The following FAT3 variants were observed in gnomAD, a reference collection of about 807,000 sequenced individuals.
FAT3 encodes FAT atypical cadherin 3, also known as protocadherin Fat 3.
In FAT3, 95 loss-of-function variants were observed where a neutral mutation model predicts 310.2. The ratio of observed to expected loss-of-function variants is 0.31; its 90% CI spans 0.26 to 0.36. The LOEUF is 0.36. FAT3 is among the 10% of genes least tolerant of loss of function. The pLI is 1.00. For missense variants in FAT3, 5,408 were observed against 5,715.6 expected, an observed-to-expected ratio of 0.95 and a Z score of 1.74; for synonymous variants, 2,314 against 2,192.9, an observed-to-expected ratio of 1.06 and a Z score of -1.54.
chr11:92,468,111 G>A (rs1217282735), intron 2 of FAT3, among the ~76,000 whole-genome samples: 1 of 152,116 alleles, frequency 6.6e-6, no homozygotes, highest in Non-Finnish European at 1.5e-5. Flanking sequence ...CCTCACTTTG[G>A]GCCAGGTCGG....
chr11:92,703,092 A>G (rs1944151432), intron 4 of FAT3, among the ~76,000 whole-genome samples: 1 of 152,232 alleles, frequency 6.6e-6, no homozygotes, highest in Admixed American at 6.5e-5. Context: ...TGTCCTCTGT[A>G]ACATACAACT....
At chr11:92,526,103 G>C (rs1354338981) in intron 3 of FAT3, among the ~76,000 whole-genome samples, 1 of 152,084 alleles carries the variant, frequency 6.6e-6, no homozygotes, top group African/African-American at 2.4e-5. Flanking sequence ...TATCTGTTGA[G>C]GCCTGCTTGT....
chr11:92,646,201 C>T (rs1355593025), intron 3 of FAT3, among the ~76,000 whole-genome samples: 1 of 152,100 alleles, frequency 6.6e-6, no homozygotes, highest in Non-Finnish European at 1.5e-5. Flanking sequence ...CTAGAGAGCC[C>T]AGGACAGCTT....
At chr11:92,399,146 C>T (rs1011973220) in intron 2 of FAT3, among the ~76,000 whole-genome samples, 2 of 152,170 alleles carry the variant, frequency 1.3e-5, no homozygotes, top group African/African-American at 4.8e-5. Flanking sequence ...CACATATATA[C>T]ACATATTAAG....
Position 92,701,017 on chromosome 11 carries a change from A to C in FAT3, c.3669+3572A>C, listed in dbSNP as rs141399239. On this transcript the variant is annotated intron_variant, in intron 4 of 27. Transcript: ENST00000525166. ...GAATAGAGTTGTCTGTTATACACAA[A>C]ATTTTGAAACTGCTGATATATTTTG... Among the ~76,000 whole-genome samples the C allele has an allele frequency of 7.4e-3, 1,133 of 152,262 alleles. 12 individuals carry two copies. Among genetic ancestry groups the C allele is most frequent in the African/African-American group, 0.026 (1,076 of 41,556 alleles).
At chr11:92,681,640 G>A (rs916424000) in intron 3 of FAT3, among the ~76,000 whole-genome samples, 8 of 152,188 alleles carry the variant, frequency 5.3e-5, no homozygotes, top group African/African-American at 1.9e-4. Flanking sequence ...GCCCTCAGAA[G>A]GAAGTAGCAG....
At chr11:92,418,137 C>T (rs1280327984) in intron 2 of FAT3, among the ~76,000 whole-genome samples, 1 of 152,158 alleles carries the variant, frequency 6.6e-6, no homozygotes, top group African/African-American at 2.4e-5. Flanking sequence ...TCTCTTCCAA[C>T]TCTATTCCAT....
intron 1 of FAT3, among the ~76,000 whole-genome samples, chr11:92,269,587 A>G (rs1009675891): frequency 9.9e-5 from 15 of 152,146 alleles, no homozygotes; most frequent in Middle Eastern, 3.2e-3. Flanking sequence ...AAACTGTATT[A>G]AGAGGATTTC....
At chr11:92,730,790 C>A (rs1945152765) in intron 4 of FAT3, among the ~76,000 whole-genome samples, 1 of 152,110 alleles carries the variant, frequency 6.6e-6, no homozygotes. Context: ...GAAAAATGCC[C>A]ATTTATGTCT....
At chr11:92,294,460 C>T (rs1946797190) in intron 1 of FAT3, among the ~76,000 whole-genome samples, 2 of 151,966 alleles carry the variant, frequency 1.3e-5, no homozygotes, top group South Asian at 2.1e-4. Context: ...GCCTAAGCTA[C>T]AGAGATGAGC....
chr11:92,632,217 G>A (rs1941581899), intron 3 of FAT3, among the ~76,000 whole-genome samples: 2 of 152,180 alleles, frequency 1.3e-5, no homozygotes, highest in Non-Finnish European at 1.5e-5. Context: ...AGCCATTCTA[G>A]CAAGACCTTG....
chr11:92,730,381 G>A (rs990659579), intron 4 of FAT3, among the ~76,000 whole-genome samples: 11 of 152,088 alleles, frequency 7.2e-5, no homozygotes, highest in Non-Finnish European at 1.3e-4. Flanking sequence ...TATAAACTCT[G>A]AGCTTTAGAG....
At chr11:92,336,719 T>C (rs752493304) in intron 1 of FAT3, among the ~76,000 whole-genome samples, 4 of 152,198 alleles carry the variant, frequency 2.6e-5, no homozygotes, top group Non-Finnish European at 5.9e-5. Flanking sequence ...CAGAAGGTAT[T>C]TGATTAACAA....
chr11:92,535,847 G>A (rs554485812), intron 3 of FAT3, among the ~76,000 whole-genome samples: 2 of 152,052 alleles, frequency 1.3e-5, no homozygotes, highest in East Asian at 3.9e-4. Flanking sequence ...AGGCCATGAG[G>A]TCACGTAGAA....
At chr11:92,640,634 T>C (rs968907867) in intron 3 of FAT3, among the ~76,000 whole-genome samples, 5 of 152,234 alleles carry the variant, frequency 3.3e-5, no homozygotes, top group Admixed American at 1.3e-4. Flanking sequence ...GTCCTTTAAA[T>C]ATTGAGCACA....
At chr11:92,476,686 C>T (rs1231530965) in intron 2 of FAT3, among the ~76,000 whole-genome samples, 1 of 152,086 alleles carries the variant, frequency 6.6e-6, no homozygotes, top group African/African-American at 2.4e-5. Context: ...GCTTTATAAA[C>T]GAAGACACTC....
At chr11:92,466,726 T>TC (rs1311876791) in intron 2 of FAT3, among the ~76,000 whole-genome samples, 1 of 94,594 alleles carries the variant, frequency 1.1e-5, no homozygotes, top group Non-Finnish European at 2.0e-5. Context: ...ATGCTATCCC[T>TC]CCCCCCTCCC....
rs1185926598 is a variant in FAT3, at chr11:92,891,972, A to G, written c.*859A>G. The G allele has an allele frequency of 6.6e-6, 1 of 152,196 alleles. No individual in the cohort carries two copies. Among genetic ancestry groups the G allele is most frequent in the Non-Finnish European group, 1.5e-5 (1 of 68,048 alleles). 9.4% of individuals were successfully genotyped at this position (152,196 alleles called of 1,614,324 possible). On this transcript the variant is annotated 3_prime_UTR_variant, in exon 28 of 28. Coordinates refer to ENST00000525166, the MANE Select transcript of FAT3 (RefSeq NM_001367949.2). ...TCATATAGCTTCTCTACAATTAGAT[A>G]TTTTTAGAAGTTTAAGCAAAACTCA...
At position 92,864,649 on chromosome 11, in the gene FAT3, C is replaced by G. The variant is rs534688697; in HGVS notation, c.11659-2092C>G. On this transcript the variant is annotated intron_variant, in intron 21 of 27. Transcript: ENST00000525166. ...TGGCCAACCTGGTGAAACCCTGTCTCTACTGAAAATAGAAAAAATTAGCTG... is the reference window on the plus strand; with the variant it reads ...TGGCCAACCTGGTGAAACCCTGTCTGTACTGAAAATAGAAAAAATTAGCTG... 6.6e-5 allele frequency among the ~76,000 whole-genome samples: 10 copies of G among 152,190 alleles called. No individual in the cohort carries two copies. The East Asian group carries it at 1.7e-3, about 27-fold the overall frequency.
Sources: gnomAD v4.1 joint callset for allele counts (sites outside exome capture counted in the v4.1 genomes callset) on GRCh38, gnomAD v4.1.1 for gene constraint, MANE v1.5 for transcripts, NCBI Gene and HGNC (gene_info 2026-07-23, HGNC 2026-07-21) for gene names.